Variants in UBE2D4 observed in about 807,000 individuals in gnomAD.
UBE2D4 encodes ubiquitin conjugating enzyme E2 D4.
Under a neutral mutation model 23.0 loss-of-function variants are expected in UBE2D4, and 17 were observed. The observed-to-expected ratio is 0.74, with a 90% CI of 0.51 to 1.11. The LOEUF (loss-of-function observed/expected upper bound fraction) is 1.11, where lower values mean the gene tolerates loss of function less well. Among genes scored for constraint, UBE2D4 ranks in the 50% least tolerant of loss-of-function variants. The probability of loss-of-function intolerance (pLI) is 0.00; values close to 1 mark genes in which losing one functional copy is unlikely to be tolerated. For missense variants in UBE2D4, 139 were observed against 181.8 expected (o/e 0.76, Z 1.35); for synonymous variants, 61 against 69.4 (o/e 0.88, Z 0.60).
chr7:43,934,468 G>GGA (rs35638313), intron 1 of UBE2D4, among the ~76,000 whole-genome samples: 8,925 of 85,314 alleles, frequency 0.1, 293 homozygotes, highest in East Asian at 0.16. Flanking sequence ...TTTTTTTTTT[G>GGA]TATTCATGAA....
At chr7:43,934,820 T>G (rs2095954950) in intron 1 of UBE2D4, among the ~76,000 whole-genome samples, 2 of 152,244 alleles carry the variant, frequency 1.3e-5, no homozygotes, top group Admixed American at 1.3e-4. Flanking sequence ...CACGTTTTAG[T>G]AAAAATCTTT....
chr7:43,928,175 G>A lies in UBE2D4; in HGVS notation c.24+1619G>A, dbSNP rs546447804. The A allele has an allele frequency of 3.1e-3, 1,069 of 340,824 alleles. 21 individuals carry two copies. The highest frequency in any genetic ancestry group is 0.023 in the South Asian group (1,050 of 46,530). 21.1% of individuals were successfully genotyped at this position (340,824 alleles called of 1,614,324 possible). On this transcript the variant is annotated intron_variant, in intron 1 of 6. Transcript: ENST00000222402. ...CACCCAGATCTCACATGAACTAATA[G>A]AGTGAGCACTCACTTATTATTGTGG...
chr7:43,931,695 T>TTTTA (rs199991945), intron 1 of UBE2D4, among the ~76,000 whole-genome samples: 8,737 of 150,704 alleles, frequency 0.058, 281 homozygotes, highest in East Asian at 0.095. Flanking sequence ...TGCTCCACAC[T>TTTTA]TTTATTTATT....
intron 1 of UBE2D4, among the ~76,000 whole-genome samples, chr7:43,927,521 T>A (rs1413722420): frequency 6.6e-6 from 1 of 152,150 alleles, no homozygotes; most frequent in East Asian, 1.9e-4. Context: ...CCCAGGCTGG[T>A]CTCATACTCC....
Position 43,950,618 on chromosome 7 carries a change from G to A in UBE2D4, c.324G>A (p.Ser108=), listed in dbSNP as rs778607450. The A allele has an allele frequency of 2.1e-5, 34 of 1,614,034 alleles. No homozygotes were observed. The highest frequency in any genetic ancestry group is 1.6e-4 in the South Asian group (15 of 91,086). ...TVSKVLLSIC[S]LLCDPNPDDP... is the part of the protein sequence containing the mutation. ...TCCCAGTTCTCTTGTCCATCTGCTC[G>A]CTGCTCTGCGACCCCAACCCCGATG... The change falls in exon 6 of 7, where the codon TCG becomes TCA. Residue 108 remains serine, a synonymous_variant. Transcript: ENST00000222402.
At chr7:43,933,013 T>TATATACACACAC (rs1340458201) in intron 1 of UBE2D4, among the ~76,000 whole-genome samples, 2 of 116,648 alleles carry the variant, frequency 1.7e-5, no homozygotes, top group Non-Finnish European at 1.7e-5. Flanking sequence ...TATATATATA[T>TATATACACACAC]ACACACACAT....
At chr7:43,927,670 G>A (rs1450759489) in intron 1 of UBE2D4, among the ~76,000 whole-genome samples, 9 of 152,150 alleles carry the variant, frequency 5.9e-5, no homozygotes, top group Non-Finnish European at 1.2e-4. Flanking sequence ...GTCATTACCT[G>A]TAGTAGGTAA....
chr7:43,945,236 G>A (rs1487035141), intron 4 of UBE2D4, among the ~76,000 whole-genome samples: 2 of 152,038 alleles, frequency 1.3e-5, no homozygotes, highest in Non-Finnish European at 2.9e-5. Flanking sequence ...CAGGTGATCC[G>A]CCCACCACGG....
intron 6 of UBE2D4, among the ~76,000 whole-genome samples, chr7:43,951,756 C>T (rs188709706): frequency 1.6e-4 from 24 of 152,228 alleles, no homozygotes; most frequent in Admixed American, 7.8e-4. Context: ...CTCCTGGACT[C>T]GAGCAATCTG....
At chr7:43,942,784 T>C in intron 2 of UBE2D4, 42 bp from the exon 3 acceptor site, 1 of 1,614,072 alleles carries the variant, frequency 6.2e-7, no homozygotes, top group South Asian at 1.1e-5. Context: ...GACATGTTTC[T>C]TGGGGGGTCT....
chr7:43,927,865 C>T (rs1288068187), intron 1 of UBE2D4: 8 of 342,732 alleles, frequency 2.3e-5, no homozygotes, highest in Non-Finnish European at 4.7e-5. Context: ...ACACTCAATA[C>T]GAGTTAGCTG....
chr7:43,930,736 G>T (rs1391086518), intron 1 of UBE2D4, among the ~76,000 whole-genome samples: 2 of 152,180 alleles, frequency 1.3e-5, no homozygotes, highest in African/African-American at 4.8e-5. Flanking sequence ...TTACAGGTGT[G>T]AGCCACTGTT....
intron 1 of UBE2D4, among the ~76,000 whole-genome samples, chr7:43,934,883 C>G (rs2095955153): frequency 6.6e-6 from 1 of 152,078 alleles, no homozygotes; most frequent in Admixed American, 6.6e-5. Flanking sequence ...ATTAACAATG[C>G]TAAGCTATAA....
intron 6 of UBE2D4, among the ~76,000 whole-genome samples, chr7:43,951,006 G>C (rs1472921002): frequency 6.6e-6 from 1 of 152,224 alleles, no homozygotes; most frequent in African/African-American, 2.4e-5. Flanking sequence ...GGTCAGCCAA[G>C]AACAGACTCA....
chr7:43,946,257 G>C (rs1158763362), intron 4 of UBE2D4: 3 of 152,122 alleles, frequency 2.0e-5, no homozygotes, highest in Non-Finnish European at 2.9e-5. Flanking sequence ...ATCCCTGGGA[G>C]AGGTACCATG....
chr7:43,929,009 C>G (rs992951360), intron 1 of UBE2D4, among the ~76,000 whole-genome samples: 2 of 152,166 alleles, frequency 1.3e-5, no homozygotes, highest in Non-Finnish European at 2.9e-5. Context: ...GAATCAAGGA[C>G]AGGCTGGGTA....
At chr7:43,928,231 G>GC (rs1471707376) in intron 1 of UBE2D4, 2 of 293,840 alleles carry the variant, frequency 6.8e-6, no homozygotes, top group Admixed American at 9.1e-5. Flanking sequence ...TGAGGAATCC[G>GC]CCCCCACGAC....
intron 4 of UBE2D4, among the ~76,000 whole-genome samples, chr7:43,945,776 CTTTTTT>C (rs11339851): frequency 1.7e-4 from 14 of 84,232 alleles, no homozygotes; most frequent in African/African-American, 4.3e-4. Context: ...GGCAAAATCC[CTTTTTT>C]TTTTTTTTTT....
At chr7:43,942,718 G>A in intron 2 of UBE2D4, 108 bp from the exon 3 acceptor site, 2 of 1,494,760 alleles carry the variant, frequency 1.3e-6, no homozygotes, top group Non-Finnish European at 1.9e-6. Flanking sequence ...TGTCAGAAGT[G>A]AGTGCATCTT....
Sources: gnomAD v4.1 joint callset for allele counts (sites outside exome capture counted in the v4.1 genomes callset) on GRCh38, gnomAD v4.1.1 for gene constraint, MANE v1.5 for transcripts, NCBI Gene and HGNC (gene_info 2026-07-23, HGNC 2026-07-21) for gene names.